JADE1: variants seen among roughly 807,000 people sequenced by gnomAD.
The protein encoded by JADE1 is protein Jade-1.
JADE1 carries 14 observed loss-of-function variants against 81.8 expected under a neutral mutation model. That is an observed-to-expected ratio of 0.17 (90% confidence interval 0.11 to 0.27). The LOEUF is 0.27. JADE1 is among the 10% of genes least tolerant of loss of function. The probability of loss-of-function intolerance (pLI) is 1.00; values close to 1 mark genes in which losing one functional copy is unlikely to be tolerated. For missense variants in JADE1, 690 were observed against 1,047.9 expected (o/e 0.66, Z 4.71); for synonymous variants, 353 against 391.9 (o/e 0.90, Z 1.17).
intron 9 of JADE1, chr4:128,862,953 G>T: frequency 1.3e-5 from 13 of 986,352 alleles, no homozygotes; most frequent in Non-Finnish European, 1.6e-5. Flanking sequence ...TTGTGTGTCT[G>T]TGTGCGGGTA....
At chr4:128,862,687 C>T (rs984572701) in intron 9 of JADE1, 12 of 1,012,346 alleles carry the variant, frequency 1.2e-5, no homozygotes, top group Non-Finnish European at 1.3e-5. Flanking sequence ...CACCTAGGTG[C>T]TGGTGATGGG....
At chr4:128,816,858 G>A (rs543569605) in intron 1 of JADE1, among the ~76,000 whole-genome samples, 26 of 152,070 alleles carry the variant, frequency 1.7e-4, no homozygotes, top group African/African-American at 2.9e-4. Context: ...TACTTGTTGA[G>A]GGAAGTAAAC....
At chr4:128,861,645 C>T in intron 8 of JADE1, 59 bp from the exon 9 acceptor site, 2 of 1,564,684 alleles carry the variant, frequency 1.3e-6, no homozygotes, top group Non-Finnish European at 1.7e-6. Flanking sequence ...CACTGCAGGC[C>T]TTCTGCCATC....
At chr4:128,857,512 T>A in intron 8 of JADE1, 58 bp downstream of exon 8, 1 of 1,329,638 alleles carries the variant, frequency 7.5e-7, no homozygotes, top group East Asian at 2.3e-5. Flanking sequence ...GGGAGCAGGA[T>A]GAGGGAAGGC....
chr4:128,861,646 T>G, intron 8 of JADE1, 58 bp from the exon 9 acceptor site: 7 of 1,567,268 alleles, frequency 4.5e-6, no homozygotes, highest in South Asian at 1.2e-5. Context: ...ACTGCAGGCC[T>G]TCTGCCATCA....
intron 1 of JADE1, among the ~76,000 whole-genome samples, chr4:128,822,586 G>A (rs1219210049): frequency 4.6e-5 from 7 of 151,958 alleles, no homozygotes; most frequent in Non-Finnish European, 1.0e-4. Context: ...GGGCGTGGTG[G>A]CACATGCCTG....
chr4:128,844,103 C>T (rs1315375777), intron 3 of JADE1, among the ~76,000 whole-genome samples: 1 of 152,106 alleles, frequency 6.6e-6, no homozygotes, highest in East Asian at 1.9e-4. Context: ...GTCTCTGCTG[C>T]TCTTTATTTC....
intron 1 of JADE1, among the ~76,000 whole-genome samples, chr4:128,824,215 G>A (rs1419942815): frequency 1.3e-5 from 2 of 152,042 alleles, no homozygotes; most frequent in African/African-American, 4.8e-5. Flanking sequence ...TCAGGAGATC[G>A]AGACCATCCT....
chr4:128,830,320 G>A (rs1341938309), intron 1 of JADE1, among the ~76,000 whole-genome samples: 1 of 149,816 alleles, frequency 6.7e-6, no homozygotes, highest in African/African-American at 2.5e-5. Flanking sequence ...TGCAACCTCC[G>A]CCTCCTGAGT....
intron 1 of JADE1, among the ~76,000 whole-genome samples, chr4:128,819,833 T>G (rs1727394293): frequency 6.6e-6 from 1 of 152,176 alleles, no homozygotes; most frequent in Non-Finnish European, 1.5e-5. Context: ...TAAATCCCAG[T>G]GTACATCCAG....
chr4:128,821,493 CTTTTTT>C (rs66551703), intron 1 of JADE1, among the ~76,000 whole-genome samples: 1 of 118,836 alleles, frequency 8.4e-6, no homozygotes. Flanking sequence ...ATGGCTTCTT[CTTTTTT>C]TTTTTTTTTT....
chr4:128,824,835 C>G (rs1727901563), intron 1 of JADE1, among the ~76,000 whole-genome samples: 1 of 152,030 alleles, frequency 6.6e-6, no homozygotes, highest in South Asian at 2.1e-4. Flanking sequence ...AGAAACCAGC[C>G]TTTCTGCATA....
At chr4:128,816,280 C>T (rs1212431246) in intron 1 of JADE1, 1 of 152,094 alleles carries the variant, frequency 6.6e-6, no homozygotes, top group Non-Finnish European at 1.5e-5. Flanking sequence ...AGTCTATTGT[C>T]CTTTGCCTAG....
Position 128,846,785 on chromosome 4 carries a change from T to A in JADE1, c.296+253T>A, listed in dbSNP as rs919299119. ...ACTGTGGGGAGGTGCTGCTTTCTTA[T>A]GAGAGGAAGGCAAATTCCAAGACAT... On this transcript the variant is annotated intron_variant, in intron 4 of 10. Transcript: ENST00000226319. The surrounding 1 kb of genome is among the most constrained non-coding windows in gnomAD (Gnocchi z 4.0). 3.3e-5 allele frequency among the ~76,000 whole-genome samples: 5 copies of A among 152,178 alleles called. No homozygotes were observed. The highest frequency in any genetic ancestry group is 7.3e-5 in the Non-Finnish European group (5 of 68,030).
In JADE1 at chr4:128,846,127, G is replaced by A. The variant is rs566269020; in HGVS notation, c.139-248G>A. 4.6e-5 allele frequency among the ~76,000 whole-genome samples: 7 copies of A among 152,190 alleles called. No individual in the cohort carries two copies. Among genetic ancestry groups the A allele is most frequent in the Admixed American group, 1.3e-4 (2 of 15,282 alleles). ...GACAACAAGATTTTTTGTTGTTTTTGTTGACGTTGTTGTGGACACTATGGA... is the reference window on the plus strand; with the variant it reads ...GACAACAAGATTTTTTGTTGTTTTTATTGACGTTGTTGTGGACACTATGGA... On this transcript the variant is annotated intron_variant, in intron 3 of 10. Transcript: ENST00000226319. The surrounding 1 kb of genome is among the most constrained non-coding windows in gnomAD (Gnocchi z 4.0).
intron 9 of JADE1, among the ~76,000 whole-genome samples, chr4:128,866,240 T>C (rs1731771134): frequency 6.6e-6 from 1 of 152,236 alleles, no homozygotes; most frequent in African/African-American, 2.4e-5. Context: ...ATATTTACTA[T>C]GAGACAGGGA....
Position 128,871,944 on chromosome 4 carries a change from G to A in JADE1, c.2211G>A (p.Val737=). ...ACTATAATCAGACTGCAGTCAAAGT[G>A]CCTACAACACCTGCCAGCCCAGTGA... ...KVNYNQTAVK[V]PTTPASPVKN... Residue 737 remains valine, a synonymous_variant, in exon 11 of 11, where the codon GTG becomes GTA. Coordinates refer to ENST00000226319, the MANE Select transcript of JADE1 (RefSeq NM_199320.4). The surrounding 1 kb of genome is among the most constrained non-coding windows in gnomAD (Gnocchi z 4.1). 1 of 1,613,974 alleles carries A rather than the reference G, an allele frequency of 6.2e-7. No individual in the cohort carries two copies. Among genetic ancestry groups the A allele is most frequent in the Non-Finnish European group, 8.5e-7 (1 of 1,179,950 alleles).
chr4:128,813,427 T>TTTTG (rs1726671860), intron 1 of JADE1, among the ~76,000 whole-genome samples: 1 of 136,602 alleles, frequency 7.3e-6, no homozygotes, highest in Non-Finnish European at 1.7e-5. Context: ...TTTTTTTTTT[T>TTTTG]GTTCCTTGAG....
At chr4:128,826,884 C>T (rs1353470302) in intron 1 of JADE1, among the ~76,000 whole-genome samples, 1 of 152,204 alleles carries the variant, frequency 6.6e-6, no homozygotes, top group Non-Finnish European at 1.5e-5. Context: ...CGTGAATGGG[C>T]ACTACCTTGG....
Sources: allele counts gnomAD v4.1 joint callset (sites outside exome capture counted in the v4.1 genomes callset), GRCh38; gene constraint gnomAD v4.1.1; non-coding constraint Gnocchi (gnomAD v3.1); transcripts MANE v1.5; gene names NCBI Gene and HGNC (gene_info 2026-07-23, HGNC 2026-07-21).